MACROD1: variants seen among roughly 807,000 people sequenced by gnomAD.
The protein encoded by MACROD1 is ADP-ribose glycohydrolase MACROD1.
Under a neutral mutation model 41.4 loss-of-function variants are expected in MACROD1, and 31 were observed. That is an observed-to-expected ratio of 0.75 (90% confidence interval 0.56 to 1.01). The LOEUF is 1.01. Ranked by LOEUF, MACROD1 falls within the 50% of genes least tolerant of loss-of-function variation. The probability of loss-of-function intolerance (pLI) is 0.00; values close to 1 mark genes in which losing one functional copy is unlikely to be tolerated. For missense variants in MACROD1, 473 were observed against 460.0 expected (o/e 1.03, Z -0.26); for synonymous variants, 252 against 203.4 (o/e 1.24, Z -2.03).
Position 63,998,899 on chromosome 11 carries a change from C to G in MACROD1, c.974-27G>C, listed in dbSNP as rs964869029. On this transcript the variant is annotated intron_variant, in intron 9 of 10. Transcript: ENST00000255681. ...TGGAAGGCAGAGGACAGTGAGAGCC[C>G]GCCCCCAGGGTGGACCGGGGCAGGG... 4.4e-6 allele frequency: 7 copies of G among 1,593,434 alleles called. No homozygotes were observed. The Admixed American group carries it at 1.2e-4, about 28-fold the overall frequency.
At chr11:64,057,120 C>T (rs1943800522) in intron 3 of MACROD1, among the ~76,000 whole-genome samples, 1 of 152,252 alleles carries the variant, frequency 6.6e-6, no homozygotes, top group Non-Finnish European at 1.5e-5. Context: ...TGTTCATCGG[C>T]TCCCTAAGTG....
At chr11:64,118,215 A>C in intron 3 of MACROD1, 1 of 1,611,976 alleles carries the variant, frequency 6.2e-7, no homozygotes, top group South Asian at 1.1e-5. Context: ...CTGCAAGGCC[A>C]CACACACCAT....
chr11:64,165,685 G>T lies in MACROD1; in HGVS notation c.298+12C>A. The T allele has an allele frequency of 7.0e-7, 1 of 1,428,170 alleles. No individual in the cohort carries two copies. Among genetic ancestry groups the T allele is most frequent in the Non-Finnish European group, 9.2e-7 (1 of 1,087,252 alleles). 88.5% of individuals were successfully genotyped at this position (1,428,170 alleles called of 1,614,324 possible). A position where few individuals can be genotyped will look rare whatever the true frequency, so the allele number is the denominator to read the frequency against. On this transcript the variant is annotated intron_variant, in intron 1 of 10. Transcript: ENST00000255681. ...CGCCCTCTCCCTCGCGCCCCCTCGT[G>T]CTTACACTTACATTTCGCCTCCTTC...
chr11:64,023,459 C>G (rs484201), intron 3 of MACROD1, among the ~76,000 whole-genome samples: 1 of 151,904 alleles, frequency 6.6e-6, no homozygotes, highest in East Asian at 1.9e-4. Flanking sequence ...TACAGCCTCA[C>G]AGGGCTTCAC....
chr11:64,117,945 G>C, intron 3 of MACROD1: 1 of 1,613,794 alleles, frequency 6.2e-7, no homozygotes. Context: ...CATCGGCGGG[G>C]CAGTGGCTCT....
intron 1 of MACROD1, among the ~76,000 whole-genome samples, chr11:64,152,763 C>T (rs1394882669): frequency 6.6e-6 from 1 of 152,200 alleles, no homozygotes. Flanking sequence ...CTCCGAGCTT[C>T]CTCCCACACA....
rs1003034819 is a variant in MACROD1, at chr11:64,142,546, C to T, written c.517+8693G>A. On this transcript the variant is annotated intron_variant, in intron 3 of 10. Transcript: ENST00000255681. ...TCCTTTCTGAGTGCCGCCCCCCAGC[C>T]AATGCTCCACTCACTGGACCAGACC... Among the ~76,000 whole-genome samples the T allele has an allele frequency of 1.1e-4, 17 of 152,290 alleles. No homozygotes were observed. In the East Asian group the frequency reaches 3.1e-3, roughly 28 times the overall value.
intron 3 of MACROD1, among the ~76,000 whole-genome samples, chr11:64,024,237 C>T (rs1216668534): frequency 6.6e-6 from 1 of 152,234 alleles, no homozygotes; most frequent in Non-Finnish European, 1.5e-5. Context: ...GAAGGACCTT[C>T]CAGACTTTAA....
intron 3 of MACROD1, among the ~76,000 whole-genome samples, chr11:64,126,533 A>G (rs1034229810): frequency 2.0e-5 from 3 of 152,168 alleles, no homozygotes; most frequent in African/African-American, 7.2e-5. Flanking sequence ...AGAGCCACCA[A>G]CAGTAATTCC....
intron 3 of MACROD1, among the ~76,000 whole-genome samples, chr11:64,072,395 A>C (rs1944125928): frequency 1.3e-5 from 2 of 152,142 alleles, no homozygotes; most frequent in Admixed American, 1.3e-4. Context: ...AGAAGCCAAA[A>C]TTAGAAGGTC....
chr11:64,131,912 G>A (rs958286564), intron 3 of MACROD1, among the ~76,000 whole-genome samples: 2 of 152,172 alleles, frequency 1.3e-5, no homozygotes, highest in Non-Finnish European at 2.9e-5. Flanking sequence ...GGGGCAGGGG[G>A]AACCGGAGGG....
chr11:64,165,705 T>C lies in MACROD1; in HGVS notation c.290A>G (p.Glu97Gly), dbSNP rs1945830259. ...CTCGTGCTTACACTTACATTTCGCCTCCTTCCAGTCGGTGGAGGTGCTCAG... is the reference window on the plus strand; with the variant it reads ...CTCGTGCTTACACTTACATTTCGCCCCCTTCCAGTCGGTGGAGGTGCTCAG... ...VDLSTSTDWK[E>G]AKSFLKGLSD... The change falls in exon 1 of 11, where the codon GAG (glutamate) becomes GGG (glycine). Residue 97 changes from glutamate to glycine, a missense_variant. Physicochemically the swap from Glu to Gly is moderately conservative, Grantham distance 98. Coordinates refer to ENST00000255681, the MANE Select transcript of MACROD1 (RefSeq NM_014067.4). 6.9e-7 allele frequency: 1 copy of C among 1,455,096 alleles called. No homozygotes were observed. Among genetic ancestry groups the C allele is most frequent in the Non-Finnish European group, 9.1e-7 (1 of 1,100,696 alleles). 90.1% of individuals were successfully genotyped at this position (1,455,096 alleles called of 1,614,324 possible). A position where few individuals can be genotyped will look rare whatever the true frequency, so the allele number is the denominator to read the frequency against.
chr11:64,138,090 G>A (rs540326186), intron 3 of MACROD1, among the ~76,000 whole-genome samples: 1 of 152,338 alleles, frequency 6.6e-6, no homozygotes, highest in Admixed American at 6.5e-5. Flanking sequence ...TTACAGGTGA[G>A]GAAACTGAGG....
intron 3 of MACROD1, among the ~76,000 whole-genome samples, chr11:64,089,775 C>A (rs1176691296): frequency 6.6e-6 from 1 of 152,134 alleles, no homozygotes; most frequent in Non-Finnish European, 1.5e-5. Flanking sequence ...GGGGGCAGGG[C>A]TGAGAGGAGG....
intron 3 of MACROD1, among the ~76,000 whole-genome samples, chr11:64,053,107 G>T (rs766572711): frequency 1.3e-5 from 2 of 152,212 alleles, no homozygotes; most frequent in African/African-American, 2.4e-5. Context: ...TGCCTGAGGG[G>T]TGTGCAGGGA....
At chr11:64,009,917 C>T (rs914882328) in intron 4 of MACROD1, among the ~76,000 whole-genome samples, 7 of 152,272 alleles carry the variant, frequency 4.6e-5, no homozygotes, top group African/African-American at 1.7e-4. Context: ...CCGGCCCCTC[C>T]TGGCAGGAAC....
Position 64,014,925 on chromosome 11 carries a change from T to G in MACROD1, c.547+327A>C, listed in dbSNP as rs187448321. Among the ~76,000 whole-genome samples the G allele has an allele frequency of 3.1e-3, 469 of 152,298 alleles. 4 individuals carry two copies. Among genetic ancestry groups the G allele is most frequent in the African/African-American group, 0.01 (435 of 41,558 alleles). ...ATTTTGCCCTCACAGGTGGGGAAAC[T>G]GAGGCCAAAAGGGACAGAGCTGCCC... On this transcript the variant is annotated intron_variant, in intron 4 of 10. Coordinates refer to ENST00000255681, the MANE Select transcript of MACROD1 (RefSeq NM_014067.4).
intron 3 of MACROD1, among the ~76,000 whole-genome samples, chr11:64,111,674 G>C (rs1944865584): frequency 6.6e-6 from 1 of 152,146 alleles, no homozygotes; most frequent in Non-Finnish European, 1.5e-5. Flanking sequence ...GTGAGGTCTG[G>C]CCAGAGAGGT....
Position 64,116,666 on chromosome 11 carries a change from C to T in MACROD1, c.517+34573G>A, listed in dbSNP as rs765124102. ...TGCCCCGCTCCCTCCGGGAGCTGCA[C>T]CTGCAGGACAACAATGTGCGCACCA... On this transcript the variant is annotated intron_variant, in intron 3 of 10. Coordinates refer to ENST00000255681, the MANE Select transcript of MACROD1 (RefSeq NM_014067.4). 26 of 1,613,920 alleles carry T rather than the reference C, an allele frequency of 1.6e-5. No homozygotes were observed. The South Asian group carries it at 2.6e-4, about 16-fold the overall frequency.
Sources: allele counts gnomAD v4.1 joint callset (sites outside exome capture counted in the v4.1 genomes callset), GRCh38; gene constraint gnomAD v4.1.1; transcripts MANE v1.5; gene names NCBI Gene and HGNC (gene_info 2026-07-23, HGNC 2026-07-21).